Variants in STAU1 observed in about 807,000 individuals in gnomAD.
The protein encoded by STAU1 is staufen double-stranded RNA binding protein 1, also known as double-stranded RNA-binding protein Staufen homolog 1.
In STAU1, 13 loss-of-function variants were observed where a neutral mutation model predicts 62.9. That is an observed-to-expected ratio of 0.21 (90% CI 0.13 to 0.33). The LOEUF (loss-of-function observed/expected upper bound fraction) is 0.33, where lower values mean the gene tolerates loss of function less well. STAU1 is among the 10% of genes least tolerant of loss of function. The pLI is 1.00. For synonymous variants in STAU1, 269 were observed against 265.1 expected, an observed-to-expected ratio of 1.01 and a Z score of -0.14; for missense variants, 571 against 712.1, an observed-to-expected ratio of 0.80 and a Z score of 2.25.
At chr20:49,175,895 C>T (rs1301332829) in intron 1 of STAU1, among the ~76,000 whole-genome samples, 11 of 145,034 alleles carry the variant, frequency 7.6e-5, no homozygotes, top group Non-Finnish European at 1.0e-4. Flanking sequence ...CCAGGGTTCA[C>T]GCCATTCTCC....
rs2092915127 is a variant in STAU1, at chr20:49,137,559, GA to G, written c.511-1629del. Among the ~76,000 whole-genome samples, 3 of 152,290 alleles carry G rather than the reference GA, an allele frequency of 2.0e-5. No homozygotes were observed. In the South Asian group the frequency reaches 6.2e-4, roughly 32 times the overall value. The stretch of plus-strand genomic sequence containing the variant: ...CCTGCTTCTGAGATTAGAACTATCT[GA>G]AAAGGAACCCATGGCTGAAACTGCT... On this transcript the variant is annotated intron_variant, in intron 5 of 13. Transcript: ENST00000371856.
intron 5 of STAU1, among the ~76,000 whole-genome samples, chr20:49,141,168 A>G (rs768692248): frequency 6.6e-6 from 1 of 152,154 alleles, no homozygotes; most frequent in Non-Finnish European, 1.5e-5. Flanking sequence ...TTTAACTTTT[A>G]TTTTTATTTA....
chr20:49,114,819 G>T lies in STAU1; in HGVS notation c.*59C>A. ...TCAGAAATTCCAAATTTTCAAAGCA[G>T]TTTCAGTATTTTCAGTATATATGTT... On this transcript the variant is annotated 3_prime_UTR_variant, in exon 14 of 14. Transcript: ENST00000371856. 1 of 1,574,770 alleles carries T rather than the reference G, an allele frequency of 6.4e-7. No individual in the cohort carries two copies. The highest frequency in any genetic ancestry group is 8.7e-7 in the Non-Finnish European group (1 of 1,147,200).
the STAU1 span, among the ~76,000 whole-genome samples, chr20:49,217,292 G>GCCC: frequency 6.6e-6 from 1 of 151,966 alleles, no homozygotes; most frequent in African/African-American, 2.4e-5. Flanking sequence ...TCTCACATGC[G>GCCC]CCCCCTGCTG....
chr20:49,129,130 C>A lies in STAU1; in HGVS notation c.610-4543G>T, dbSNP rs1168608435. ...AATAATAAAAAGACACTCAAAAAAA[C>A]TGGCAAGATATAAACCTATATTTCA... On this transcript the variant is annotated intron_variant, in intron 6 of 13. Coordinates refer to ENST00000371856, the MANE Select transcript of STAU1 (RefSeq NM_017453.4). Among the ~76,000 whole-genome samples, 3 of 151,892 alleles carry A rather than the reference C, an allele frequency of 2.0e-5. No individual in the cohort carries two copies. In the East Asian group the frequency reaches 5.8e-4, roughly 29 times the overall value.
At chr20:49,194,441 AAAAAAAG>A in the STAU1 span, among the ~76,000 whole-genome samples, 8 of 149,090 alleles carry the variant, frequency 5.4e-5, no homozygotes, top group African/African-American at 2.0e-4. Flanking sequence ...AAAAAAAAAA[AAAAAAAG>A]AAAAGAAAAA....
chr20:49,151,869 T>G, intron 4 of STAU1, 122 bp from the exon 5 acceptor site: 1 of 786,116 alleles, frequency 1.3e-6, no homozygotes, highest in Non-Finnish European at 1.9e-6. Context: ...TTGATGCTAA[T>G]CACTCTTCAT....
At chr20:49,158,667 A>G (rs1014336261) in intron 3 of STAU1, among the ~76,000 whole-genome samples, 5 of 152,008 alleles carry the variant, frequency 3.3e-5, no homozygotes, top group Non-Finnish European at 7.4e-5. Context: ...AAAATTAGCC[A>G]GGCGTGGTGG....
chr20:49,163,759 T>C (rs1329528601), intron 3 of STAU1, among the ~76,000 whole-genome samples: 1 of 152,044 alleles, frequency 6.6e-6, no homozygotes, highest in East Asian at 1.9e-4. Context: ...ATTATCAGAT[T>C]TGAATGTTTC....
chr20:49,161,310 A>C (rs1433193423), intron 3 of STAU1, among the ~76,000 whole-genome samples: 1 of 152,150 alleles, frequency 6.6e-6, no homozygotes, highest in Admixed American at 6.6e-5. Flanking sequence ...TAGGCGGCAA[A>C]GAAAGACTCT....
At chr20:49,130,171 T>G (rs1233065973) in intron 6 of STAU1, among the ~76,000 whole-genome samples, 3 of 152,142 alleles carry the variant, frequency 2.0e-5, no homozygotes, top group African/African-American at 7.2e-5. Flanking sequence ...CACAACAGCA[T>G]GAATAATGAC....
intron 2 of STAU1, among the ~76,000 whole-genome samples, chr20:49,167,435 T>C (rs952415094): frequency 1.3e-5 from 2 of 152,030 alleles, no homozygotes; most frequent in Non-Finnish European, 2.9e-5. Context: ...CCTAACACAT[T>C]CTCTCTTACT....
chr20:49,117,861 G>A lies in STAU1; in HGVS notation c.1425C>T (p.Asn475=), dbSNP rs1305522862. The change falls in exon 11 of 14, where the codon AAC becomes AAT. Residue 475 remains asparagine, a synonymous_variant. Coordinates refer to ENST00000371856, the MANE Select transcript of STAU1 (RefSeq NM_017453.4). The surrounding 1 kb of genome is among the most constrained non-coding windows in gnomAD (Gnocchi z 4.6). ...CATGGGGTACGTGGCCTGAAGAGAT[G>A]TTATTCTTTAAAATGGTCTCGGCTG... is the stretch of plus-strand genomic sequence containing the variant. ...SPTAETILKN[N]ISSGHVPHGP... is the part of the protein sequence containing the mutation. The A allele has an allele frequency of 1.2e-6, 2 of 1,614,160 alleles. No individual in the cohort carries two copies. Among genetic ancestry groups the A allele is most frequent in the East Asian group, 2.2e-5 (1 of 44,884 alleles).
rs912706097 is a variant in STAU1 at position 49,113,575 on chromosome 20, T to G, written c.*1303A>C. The stretch of plus-strand genomic sequence containing the variant: ...ACACTTAAGTTTTACTTACATTCCA[T>G]GGGGAGAAAAATTCCAGCGTAAACA... On this transcript the variant is annotated 3_prime_UTR_variant, in exon 14 of 14. Coordinates refer to ENST00000371856, the MANE Select transcript of STAU1 (RefSeq NM_017453.4). 1.3e-5 allele frequency: 2 copies of G among 152,612 alleles called. No homozygotes were observed. The highest frequency in any genetic ancestry group is 2.4e-5 in the African/African-American group (1 of 41,460). The allele number at this position is 152,612 out of a possible 1,614,324, so 9.5% of individuals were successfully genotyped here. A position where few individuals can be genotyped will look rare whatever the true frequency, so the allele number is the denominator to read the frequency against.
At chr20:49,197,378 A>G in the STAU1 span, among the ~76,000 whole-genome samples, 1 of 149,598 alleles carries the variant, frequency 6.7e-6, no homozygotes, top group Non-Finnish European at 1.5e-5. Flanking sequence ...ATATATACAT[A>G]TACATAATTT....
the STAU1 span, among the ~76,000 whole-genome samples, chr20:49,198,979 G>A: frequency 5.4e-4 from 82 of 150,562 alleles, no homozygotes; most frequent in Middle Eastern, 6.9e-3. Flanking sequence ...CTGCCCCCCC[G>A]CCAAAAAAAT....
intron 2 of STAU1, among the ~76,000 whole-genome samples, chr20:49,171,547 G>A (rs543768980): frequency 3.3e-5 from 5 of 152,196 alleles, no homozygotes; most frequent in African/African-American, 9.6e-5. Context: ...TCGGCCTCCC[G>A]AAGTGCTGGG....
intron 6 of STAU1, chr20:49,134,663 AATGAAGCTG>A (rs1444538542): frequency 2.6e-5 from 30 of 1,166,960 alleles, no homozygotes; most frequent in Non-Finnish European, 3.9e-5. Flanking sequence ...TGAAATTAAG[AATGAAGCTG>A]ATAGGACCTT....
chr20:49,175,487 G>A (rs6066992), intron 1 of STAU1, among the ~76,000 whole-genome samples: 2 of 152,018 alleles, frequency 1.3e-5, no homozygotes, highest in African/African-American at 4.8e-5. Context: ...TGTTTGTTCA[G>A]GTTTTTTTTT....
Sources: gnomAD v4.1 joint callset for allele counts (sites outside exome capture counted in the v4.1 genomes callset) on GRCh38, gnomAD v4.1.1 for gene constraint, Gnocchi (gnomAD v3.1) non-coding constraint, MANE v1.5 for transcripts, NCBI Gene and HGNC (gene_info 2026-07-23, HGNC 2026-07-21) for gene names.